Variants in RGS6 observed in about 807,000 individuals in gnomAD.
RGS6 encodes regulator of G-protein signaling 6.
In RGS6, 30 loss-of-function variants were observed where a neutral mutation model predicts 78.5. That is an observed-to-expected ratio of 0.38 (90% confidence interval 0.29 to 0.52). RGS6 has a LOEUF of 0.52. Ranked by LOEUF, RGS6 falls within the 20% of genes least tolerant of loss-of-function variation. RGS6 has a pLI of 0.85. For synonymous variants in RGS6, 206 were observed against 206.0 expected (o/e 1.00, Z 0.00); for missense variants, 495 against 609.7 (o/e 0.81, Z 1.98).
chr14:72,253,336 G>C (rs919434404), intron 2 of RGS6, among the ~76,000 whole-genome samples: 13 of 152,212 alleles, frequency 8.5e-5, no homozygotes, highest in African/African-American at 2.9e-4. Flanking sequence ...TTTCTTTGTA[G>C]TGTACACCCC....
At chr14:72,587,261 A>G in the RGS6 span, among the ~76,000 whole-genome samples, 1 of 151,810 alleles carries the variant, frequency 6.6e-6, no homozygotes, top group African/African-American at 2.4e-5. Context: ...CACATGACTT[A>G]CTCTCCACCA....
At chr14:72,011,596 A>G (rs981469970) in intron 2 of RGS6, among the ~76,000 whole-genome samples, 10 of 149,878 alleles carry the variant, frequency 6.7e-5, no homozygotes, top group Admixed American at 6.0e-4. Context: ...AAAAAAAAAT[A>G]ATGCAAATAA....
At chr14:72,535,071 A>C (rs1482992936) in intron 15 of RGS6, among the ~76,000 whole-genome samples, 1 of 152,218 alleles carries the variant, frequency 6.6e-6, no homozygotes, top group East Asian at 1.9e-4. Context: ...ATGGATAAAT[A>C]ATCTTGCCCA....
At chr14:72,281,170 A>G (rs1195259380) in intron 2 of RGS6, among the ~76,000 whole-genome samples, 3 of 131,800 alleles carry the variant, frequency 2.3e-5, no homozygotes, top group African/African-American at 9.3e-5. Context: ...TTTTTTGGAG[A>G]CATAGTCTCG....
chr14:71,872,701 T>G, the RGS6 span, among the ~76,000 whole-genome samples: 6 of 152,186 alleles, frequency 3.9e-5, no homozygotes, highest in Non-Finnish European at 7.3e-5. Flanking sequence ...CATGCAGGTT[T>G]GTTACATATG....
At chr14:72,519,106 A>G (rs553926333) in intron 15 of RGS6, among the ~76,000 whole-genome samples, 12 of 152,368 alleles carry the variant, frequency 7.9e-5, no homozygotes, top group Admixed American at 1.3e-4. Context: ...CAACTTCAAC[A>G]GTGTGAAAAG....
chr14:72,398,443 T>G (rs1390644766), intron 3 of RGS6, among the ~76,000 whole-genome samples: 2 of 152,190 alleles, frequency 1.3e-5, no homozygotes, highest in Non-Finnish European at 2.9e-5. Context: ...CTTCTCTCTT[T>G]TCTTCTTTAT....
intron 3 of RGS6, among the ~76,000 whole-genome samples, chr14:72,367,261 C>T (rs184076202): frequency 6.6e-6 from 1 of 152,312 alleles, no homozygotes; most frequent in African/African-American, 2.4e-5. Flanking sequence ...ATTTCCAGGA[C>T]ATCCCCATGG....
chr14:72,478,910 A>C (rs1375059243), intron 12 of RGS6, among the ~76,000 whole-genome samples: 1 of 152,178 alleles, frequency 6.6e-6, no homozygotes, highest in Non-Finnish European at 1.5e-5. Flanking sequence ...TGGGAGACTC[A>C]ATTTTATCAA....
chr14:71,924,125 G>A, the RGS6 span, among the ~76,000 whole-genome samples: 1 of 151,772 alleles, frequency 6.6e-6, no homozygotes, highest in African/African-American at 2.4e-5. Context: ...GCTCACTGGA[G>A]CCTTAGCCTC....
the RGS6 span, among the ~76,000 whole-genome samples, chr14:71,876,524 C>CTTTTTTTTTTTTTTTT: frequency 1.3e-5 from 1 of 76,780 alleles, no homozygotes; most frequent in Non-Finnish European, 2.4e-5. Context: ...TTTCCATTTG[C>CTTTTTTTTTTTTTTTT]TTGGTAGATC....
chr14:72,047,453 T>C (rs1037073875), intron 2 of RGS6, among the ~76,000 whole-genome samples: 1 of 152,216 alleles, frequency 6.6e-6, no homozygotes, highest in Non-Finnish European at 1.5e-5. Context: ...GCTGGCGATA[T>C]GTCCTGTTTT....
intron 3 of RGS6, among the ~76,000 whole-genome samples, chr14:72,399,262 A>G (rs377196626): frequency 6.6e-6 from 1 of 152,050 alleles, no homozygotes; most frequent in Non-Finnish European, 1.5e-5. Flanking sequence ...TTCTTGTTGT[A>G]TTGATCCCCT....
intron 3 of RGS6, among the ~76,000 whole-genome samples, chr14:72,417,259 T>G (rs2093882623): frequency 6.6e-6 from 1 of 152,202 alleles, no homozygotes; most frequent in Non-Finnish European, 1.5e-5. Context: ...TCAAATATTC[T>G]CTGTCAACTG....
chr14:72,473,829 T>C (rs2096159375), intron 9 of RGS6: 1 of 152,238 alleles, frequency 6.6e-6, no homozygotes. Context: ...TTCATTAACA[T>C]TAAACTCATG....
chr14:72,069,775 A>G (rs1157952107), intron 2 of RGS6, among the ~76,000 whole-genome samples: 1 of 152,118 alleles, frequency 6.6e-6, no homozygotes, highest in Non-Finnish European at 1.5e-5. Flanking sequence ...CCTGGGCTCC[A>G]GCAATCTGCC....
intron 2 of RGS6, among the ~76,000 whole-genome samples, chr14:71,978,976 C>A (rs1003086620): frequency 1.2e-4 from 17 of 147,550 alleles, no homozygotes; most frequent in Non-Finnish European, 2.5e-4. Flanking sequence ...TCAACTTCTT[C>A]CTGGTTTAGT....
intron 2 of RGS6, among the ~76,000 whole-genome samples, chr14:72,237,181 CTG>C (rs1250029427): frequency 1.3e-5 from 2 of 152,204 alleles, no homozygotes; most frequent in Non-Finnish European, 2.9e-5. Flanking sequence ...TGTCAGTAAT[CTG>C]TACCCATTTT....
intron 2 of RGS6, among the ~76,000 whole-genome samples, chr14:71,983,569 G>A (rs1050394514): frequency 6.6e-6 from 1 of 152,160 alleles, no homozygotes; most frequent in Non-Finnish European, 1.5e-5. Context: ...CCTCTTCCAG[G>A]CTTTCTGTGG....
Sources: allele counts gnomAD v4.1 joint callset (sites outside exome capture counted in the v4.1 genomes callset), GRCh38; gene constraint gnomAD v4.1.1; transcripts MANE v1.5; gene names NCBI Gene and HGNC (gene_info 2026-07-23, HGNC 2026-07-21).